Variants in OCA2 observed in about 807,000 individuals in gnomAD.
OCA2 encodes P protein.
Under a neutral mutation model 100.2 loss-of-function variants are expected in OCA2, and 77 were observed. The ratio of observed to expected loss-of-function variants is 0.77; its 90% CI spans 0.64 to 0.93. The LOEUF (loss-of-function observed/expected upper bound fraction) is 0.93, where lower values mean the gene tolerates loss of function less well. OCA2 is among the 40% of genes least tolerant of loss of function. The pLI, the probability that OCA2 is intolerant of heterozygous loss-of-function variation, is 0.00. For missense variants in OCA2, 1,062 were observed against 1,089.1 expected (o/e 0.98, Z 0.35); for synonymous variants, 432 against 439.2 (o/e 0.98, Z 0.21).
chr15:27,933,043 A>T (rs2039313048), intron 18 of OCA2, among the ~76,000 whole-genome samples: 1 of 152,232 alleles, frequency 6.6e-6, no homozygotes, highest in Non-Finnish European at 1.5e-5. Flanking sequence ...CTTATGGTCA[A>T]ATGATCTTTG....
chr15:28,066,414 G>A (rs549417452), intron 2 of OCA2, among the ~76,000 whole-genome samples: 1 of 152,082 alleles, frequency 6.6e-6, no homozygotes, highest in Non-Finnish European at 1.5e-5. Flanking sequence ...ATGGGAGAGG[G>A]GGGTGGGAGG....
At chr15:27,999,009 T>G in intron 9 of OCA2, among the ~76,000 whole-genome samples, 2 of 148,716 alleles carry the variant, frequency 1.3e-5, no homozygotes, top group East Asian at 2.0e-4. Context: ...TGAGAACACA[T>G]GGACACAGGA....
intron 2 of OCA2, among the ~76,000 whole-genome samples, chr15:28,066,982 T>C (rs1002559992): frequency 6.6e-6 from 1 of 152,214 alleles, no homozygotes; most frequent in African/African-American, 2.4e-5. Context: ...CCCACCTTTC[T>C]GGATCAAACC....
At chr15:27,844,136 C>G (rs927004554) in intron 23 of OCA2, among the ~76,000 whole-genome samples, 4 of 152,208 alleles carry the variant, frequency 2.6e-5, no homozygotes, top group African/African-American at 9.6e-5. Context: ...TGTCAGCAGT[C>G]AGGGCCCCAG....
intron 6 of OCA2, 119 bp from the exon 7 acceptor site, chr15:28,018,676 C>G: frequency 1.0e-6 from 1 of 956,928 alleles, no homozygotes; most frequent in South Asian, 1.4e-5. Flanking sequence ...CCAGGTGCCC[C>G]ACGCCCTTGG....
chr15:27,851,494 T>A lies in OCA2; in HGVS notation c.2245-19A>T. 6.3e-7 allele frequency: 1 copy of A among 1,599,404 alleles called. No individual in the cohort carries two copies. Among genetic ancestry groups the A allele is most frequent in the South Asian group, 1.1e-5 (1 of 89,788 alleles). On this transcript the variant is annotated intron_variant, in intron 21 of 23. Coordinates refer to ENST00000354638, the MANE Select transcript of OCA2 (RefSeq NM_000275.3). The stretch of plus-strand genomic sequence containing the variant: ...CGGGAATCTGTGGAGGAAGAGGACA[T>A]TGATGCCACGTCCCATGGACGCTCA...
At chr15:28,045,469 T>G (rs560622365) in intron 2 of OCA2, among the ~76,000 whole-genome samples, 2 of 152,230 alleles carry the variant, frequency 1.3e-5, no homozygotes, top group Non-Finnish European at 2.9e-5. Context: ...TATTTTTATT[T>G]CAATTGCCAA....
chr15:27,909,596 G>A (rs1345458250), intron 19 of OCA2, among the ~76,000 whole-genome samples: 1 of 152,094 alleles, frequency 6.6e-6, no homozygotes, highest in Non-Finnish European at 1.5e-5. Flanking sequence ...ATAGGACCAA[G>A]GACATATGAA....
intron 1 of OCA2, among the ~76,000 whole-genome samples, chr15:28,088,872 G>A (rs2044824533): frequency 6.6e-6 from 1 of 152,208 alleles, no homozygotes; most frequent in African/African-American, 2.4e-5. Flanking sequence ...TTAATCAGGA[G>A]ACAGGGTTTG....
rs181736070 is a variant in OCA2, at chr15:27,969,161, A to G, written c.1504-2339T>C. 3.0e-4 allele frequency among the ~76,000 whole-genome samples: 45 copies of G among 152,294 alleles called. 1 individual carries two copies. The East Asian group carries it at 8.5e-3, about 29-fold the overall frequency. On this transcript the variant is annotated intron_variant, in intron 14 of 23. Coordinates refer to ENST00000354638, the MANE Select transcript of OCA2 (RefSeq NM_000275.3). ...TAATTCTTGGTCCCTCTAGAACATA[A>G]TAACTATAAAGTTTTGCCCCATTTG...
chr15:28,070,240 G>A (rs1233147208), intron 2 of OCA2, among the ~76,000 whole-genome samples: 4 of 136,912 alleles, frequency 2.9e-5, no homozygotes, highest in South Asian at 2.4e-4. Flanking sequence ...GAGCCTCTCC[G>A]CCCGGCAGCC....
At chr15:27,845,203 A>G in intron 22 of OCA2, 151 bp from the exon 23 acceptor site, 1 of 702,700 alleles carries the variant, frequency 1.4e-6, no homozygotes, top group South Asian at 1.7e-5. Flanking sequence ...CTGGAAACAC[A>G]CACACACGCA....
At chr15:27,891,913 G>C (rs1020140402) in intron 19 of OCA2, among the ~76,000 whole-genome samples, 9 of 151,908 alleles carry the variant, frequency 5.9e-5, no homozygotes, top group Non-Finnish European at 1.3e-4. Context: ...ATCTAAGCAA[G>C]AGACTATATT....
chr15:27,967,432 C>T (rs979774997), intron 14 of OCA2, among the ~76,000 whole-genome samples: 1 of 152,220 alleles, frequency 6.6e-6, no homozygotes, highest in East Asian at 1.9e-4. Context: ...CTAACTCAAC[C>T]TTGGCTTGGT....
chr15:28,004,911 G>C (rs996135690), intron 9 of OCA2, among the ~76,000 whole-genome samples: 3 of 152,102 alleles, frequency 2.0e-5, no homozygotes, highest in African/African-American at 7.2e-5. Flanking sequence ...ACGGCAGCCC[G>C]ATCTTTTGAT....
intron 19 of OCA2, among the ~76,000 whole-genome samples, chr15:27,925,090 G>A (rs1023665044): frequency 2.0e-5 from 3 of 152,096 alleles, no homozygotes; most frequent in Admixed American, 1.3e-4. Flanking sequence ...GATACATGAA[G>A]CAAAAGCTGA....
chr15:28,063,624 A>G (rs1408556327), intron 2 of OCA2, among the ~76,000 whole-genome samples: 1 of 152,136 alleles, frequency 6.6e-6, no homozygotes, highest in African/African-American at 2.4e-5. Context: ...ATCATCTTAA[A>G]ACAATCTATT....
At chr15:27,993,079 G>A (rs2041608881) in intron 9 of OCA2, among the ~76,000 whole-genome samples, 1 of 152,166 alleles carries the variant, frequency 6.6e-6, no homozygotes, top group African/African-American at 2.4e-5. Context: ...AGCCAAGATT[G>A]CACCACTGCA....
chr15:27,753,630 G>A (rs1407219926), downstream of OCA2, among the ~76,000 whole-genome samples: 3 of 152,002 alleles, frequency 2.0e-5, no homozygotes, highest in African/African-American at 4.8e-5. Context: ...CCAGCTACTC[G>A]GGAGGCTGAG....
Sources: allele counts gnomAD v4.1 joint callset (sites outside exome capture counted in the v4.1 genomes callset), GRCh38; gene constraint gnomAD v4.1.1; transcripts MANE v1.5; gene names NCBI Gene and HGNC (gene_info 2026-07-23, HGNC 2026-07-21).